The following IQCK variants were observed in gnomAD, a reference collection of about 807,000 sequenced individuals.
IQCK encodes the protein IQ motif containing K.
Under a neutral mutation model 28.1 loss-of-function variants are expected in IQCK, and 29 were observed. That is an observed-to-expected ratio of 1.03 (90% CI 0.77 to 1.41). IQCK has a LOEUF of 1.41. IQCK is among the 40% of genes most tolerant of loss of function. The pLI, the probability that IQCK is intolerant of heterozygous loss-of-function variation, is 0.00. For missense variants in IQCK, 359 were observed against 314.7 expected, an observed-to-expected ratio of 1.14 and a Z score of -1.07; for synonymous variants, 113 against 115.1, an observed-to-expected ratio of 0.98 and a Z score of 0.12.
chr16:19,831,720 T>C (rs1377348254), downstream of IQCK, among the ~76,000 whole-genome samples: 1 of 151,982 alleles, frequency 6.6e-6, no homozygotes, highest in Non-Finnish European at 1.5e-5. Context: ...TTTTAAGTTG[T>C]TGCCATTTTA....
At chr16:19,725,265 G>A (rs750069255) in intron 1 of IQCK, among the ~76,000 whole-genome samples, 1 of 151,844 alleles carries the variant, frequency 6.6e-6, no homozygotes, top group Non-Finnish European at 1.5e-5. Flanking sequence ...TGGCGTGATC[G>A]TGCTTACTAC....
chr16:19,753,910 C>G (rs1324367184), intron 4 of IQCK, among the ~76,000 whole-genome samples: 1 of 152,058 alleles, frequency 6.6e-6, no homozygotes, highest in East Asian at 1.9e-4. Context: ...GGACAACAAA[C>G]TCTTTCAGGA....
exon 10 of IQCK, chr16:19,856,601 GA>G (rs1214373495): frequency 1.4e-6 from 2 of 1,430,988 alleles, no homozygotes. Context: ...CTTGTGCAAG[GA>G]AAATGTCCAA....
intron 1 of IQCK, among the ~76,000 whole-genome samples, chr16:19,724,433 A>C (rs145076269): frequency 5.3e-5 from 8 of 152,238 alleles, no homozygotes; most frequent in Non-Finnish European, 7.3e-5. Flanking sequence ...ATGCCTGTCA[A>C]ATGTTCGTCT....
At chr16:19,740,955 G>A (rs1281753484) in intron 4 of IQCK, among the ~76,000 whole-genome samples, 3 of 147,482 alleles carry the variant, frequency 2.0e-5, no homozygotes, top group East Asian at 2.0e-4. Flanking sequence ...GCAACAGAGC[G>A]AGACTCCATC....
chr16:19,769,665 T>A (rs1437363360), intron 6 of IQCK, among the ~76,000 whole-genome samples: 1 of 152,150 alleles, frequency 6.6e-6, no homozygotes, highest in Non-Finnish European at 1.5e-5. Context: ...GAAAGAAGTT[T>A]GGGCATTATT....
intron 1 of IQCK, among the ~76,000 whole-genome samples, chr16:19,719,792 A>G (rs75784182): frequency 1.1e-4 from 17 of 150,416 alleles, no homozygotes; most frequent in African/African-American, 2.0e-4. Flanking sequence ...TCACACCTCA[A>G]TCTCCTGAGT....
Position 19,775,422 on chromosome 16 carries a change from TTAAC to T in IQCK, c.605+11313_605+11316del, listed in dbSNP as rs542137504. On this transcript the variant is annotated intron_variant, in intron 6 of 7. Coordinates refer to ENST00000564186, the Ensembl canonical transcript of IQCK. Reference sequence around the variant, plus strand: ...TCTGTCTGTCTTCGTATTTATATATTTAACTACCTACCTACCAAACATTTACATA... The same window carrying T: ...TCTGTCTGTCTTCGTATTTATATATTTACCTACCTACCAAACATTTACATA... 3.8e-3 allele frequency among the ~76,000 whole-genome samples: 584 copies of T among 152,238 alleles called. 6 individuals carry two copies. The highest frequency in any genetic ancestry group is 0.013 in the African/African-American group (530 of 41,524).
chr16:19,829,289 T>A (rs908828057), downstream of IQCK, among the ~76,000 whole-genome samples: 3 of 151,326 alleles, frequency 2.0e-5, no homozygotes, highest in African/African-American at 7.3e-5. Context: ...TTTCTGCTCT[T>A]ACAATGTGCC....
intron 6 of IQCK, among the ~76,000 whole-genome samples, chr16:19,786,210 G>A (rs962172901): frequency 1.2e-4 from 19 of 152,166 alleles, no homozygotes; most frequent in Admixed American, 2.6e-4. Flanking sequence ...TCACACAACT[G>A]AGATATAGAG....
intron 6 of IQCK, among the ~76,000 whole-genome samples, chr16:19,775,406 C>T (rs897506687): frequency 1.3e-5 from 2 of 152,172 alleles, no homozygotes; most frequent in African/African-American, 4.8e-5. Context: ...GTCTGTCTGT[C>T]TTCGTATTTA....
At chr16:19,754,152 C>T (rs763762766) in intron 4 of IQCK, among the ~76,000 whole-genome samples, 2 of 152,130 alleles carry the variant, frequency 1.3e-5, no homozygotes, top group African/African-American at 4.8e-5. Flanking sequence ...CTGTCACTTA[C>T]TACCCAGGTC....
chr16:19,753,058 G>A lies in IQCK; in HGVS notation c.475-10790G>A, dbSNP rs190330038. Among the ~76,000 whole-genome samples the A allele has an allele frequency of 7.8e-3, 1,188 of 152,038 alleles. 11 individuals are homozygous for A. The highest frequency in any genetic ancestry group is 0.027 in the African/African-American group (1,118 of 41,440). On this transcript the variant is annotated intron_variant, in intron 4 of 7. Transcript: ENST00000564186. ...CTATAAGGCTCAAGTGTAGCAGAGA[G>A]AGAGAGAGAGAGAGAGTCTCTCCCA...
chr16:19,719,990 A>G (rs1335748007), intron 1 of IQCK, among the ~76,000 whole-genome samples: 1 of 152,068 alleles, frequency 6.6e-6, no homozygotes, highest in East Asian at 1.9e-4. Context: ...AATTTTAATA[A>G]ATTTAAATAG....
chr16:19,809,653 T>C (rs2055877633), intron 7 of IQCK, among the ~76,000 whole-genome samples: 1 of 152,200 alleles, frequency 6.6e-6, no homozygotes, highest in African/African-American at 2.4e-5. Context: ...ACTCCCTCAT[T>C]CAATGAGAAG....
chr16:19,849,762 GA>G (rs112665214), intron 9 of IQCK, among the ~76,000 whole-genome samples: 35 of 136,250 alleles, frequency 2.6e-4, no homozygotes, highest in East Asian at 8.4e-4. Context: ...CCCTGTCTCT[GA>G]AAAAAAAAAA....
At chr16:19,786,286 G>C (rs200355651) in intron 6 of IQCK, among the ~76,000 whole-genome samples, 2 of 152,104 alleles carry the variant, frequency 1.3e-5, no homozygotes, top group East Asian at 3.9e-4. Context: ...GGGGCGGGTG[G>C]CTCATGCCTG....
chr16:19,855,284 C>A (rs923053295), intron 9 of IQCK, among the ~76,000 whole-genome samples: 2 of 152,114 alleles, frequency 1.3e-5, no homozygotes, highest in Non-Finnish European at 2.9e-5. Flanking sequence ...GGCCCTCATC[C>A]CACCTCCATC....
chr16:19,844,241 G>A (rs908347793), intron 9 of IQCK, among the ~76,000 whole-genome samples: 29 of 151,990 alleles, frequency 1.9e-4, no homozygotes, highest in Non-Finnish European at 2.9e-4. Context: ...CACCACGCCC[G>A]GCTAATTTTT....
Sources: gnomAD v4.1 joint callset for allele counts (sites outside exome capture counted in the v4.1 genomes callset) on GRCh38, gnomAD v4.1.1 for gene constraint, MANE v1.5 for transcripts, NCBI Gene and HGNC (gene_info 2026-07-23, HGNC 2026-07-21) for gene names.